The following RIOK3 variants were observed in gnomAD, a reference collection of about 807,000 sequenced individuals.
RIOK3 encodes serine/threonine-protein kinase RIO3.
In RIOK3, 40 loss-of-function variants were observed where a neutral mutation model predicts 63.5. That is an observed-to-expected ratio of 0.63 (90% confidence interval 0.49 to 0.82). The LOEUF (loss-of-function observed/expected upper bound fraction) is 0.82. RIOK3 is among the 40% of genes least tolerant of loss of function. The pLI is 0.00. For synonymous variants in RIOK3, 193 were observed against 205.0 expected (o/e 0.94, Z 0.50); for missense variants, 557 against 637.0 (o/e 0.87, Z 1.35).
chr18:23,468,503 A>G (rs918061457), intron 7 of RIOK3, among the ~76,000 whole-genome samples: 1 of 151,712 alleles, frequency 6.6e-6, no homozygotes, highest in African/African-American at 2.4e-5. Flanking sequence ...GGCTTTCACC[A>G]TGTTAGCCAG....
At chr18:23,454,828 A>G (rs1024348195) in intron 1 of RIOK3, among the ~76,000 whole-genome samples, 1 of 152,246 alleles carries the variant, frequency 6.6e-6, no homozygotes, top group Non-Finnish European at 1.5e-5. Flanking sequence ...AGTGTTTTGA[A>G]AGGCAAAACA....
intron 7 of RIOK3, among the ~76,000 whole-genome samples, chr18:23,471,774 G>A (rs994277629): frequency 3.9e-5 from 6 of 152,110 alleles, no homozygotes; most frequent in African/African-American, 1.4e-4. Flanking sequence ...TGGTGGTACC[G>A]TTTGACGAGG....
chr18:23,480,120 C>A (rs2057521606), intron 12 of RIOK3, among the ~76,000 whole-genome samples: 1 of 152,140 alleles, frequency 6.6e-6, no homozygotes, highest in African/African-American at 2.4e-5. Flanking sequence ...ATTATAATAT[C>A]AGATCTAGAG....
At position 23,475,018 on chromosome 18, in the gene RIOK3, A is replaced by G. The variant is rs765458779; in HGVS notation, c.1084A>G (p.Ile362Val). ...LKKHILVMSFIGHDQVPAPKL... is the reference protein window; with the variant it reads ...LKKHILVMSFVGHDQVPAPKL... ...GAAACACATTTTAGTTATGTCTTTT[A>G]TTGGCCATGATCAAGTTCCAGCCCC... Residue 362 changes from isoleucine (I) to valine (V), a missense_variant, in exon 9 of 13, where the codon ATT (isoleucine) becomes GTT (valine). Physicochemically the swap from Ile to Val is conservative, Grantham distance 29 (BLOSUM62 3). Transcript: ENST00000339486. 4 of 1,612,302 alleles carry G rather than the reference A, an allele frequency of 2.5e-6. No homozygotes were observed. In the South Asian group the frequency reaches 3.3e-5, roughly 13 times the overall value.
intron 4 of RIOK3, 53 bp downstream of exon 4, chr18:23,464,366 A>G (rs2057392320): frequency 7.7e-7 from 1 of 1,298,062 alleles, no homozygotes; most frequent in South Asian, 1.3e-5. Context: ...TAGGAAGACT[A>G]ATCTTTTCAA....
intron 1 of RIOK3, among the ~76,000 whole-genome samples, chr18:23,460,522 A>G (rs963988270): frequency 1.3e-5 from 2 of 152,186 alleles, no homozygotes; most frequent in Non-Finnish European, 2.9e-5. Flanking sequence ...GATTGCAACT[A>G]CTCAATTGTT....
At position 23,466,122 on chromosome 18, in the gene RIOK3, C is replaced by A; in HGVS notation, c.544-11C>A. The A allele has an allele frequency of 6.4e-7, 1 of 1,562,586 alleles. No homozygotes were observed. ...TTAAAATATTTAGATGCTAATTCTT[C>A]CTTTTGGCAGTTTGCACCTGAGTTT... On this transcript the variant is annotated splice_polypyrimidine_tract_variant and intron_variant, in intron 5 of 12. Coordinates refer to ENST00000339486, the MANE Select transcript of RIOK3 (RefSeq NM_003831.5).
rs565804907 is a variant in RIOK3, at chr18:23,469,005, G to A, written c.815+1479G>A. Among the ~76,000 whole-genome samples, 70 of 152,272 alleles carry A rather than the reference G, an allele frequency of 4.6e-4. No homozygotes were observed. In the Middle Eastern group the frequency reaches 0.01, roughly 22 times the overall value. On this transcript the variant is annotated intron_variant, in intron 7 of 12. Transcript: ENST00000339486. Reference sequence around the variant, plus strand: ...ACTTTCTTGTTGGCTGTCAGCAGTGGGCTGCTCTCAACTCCTTGAGGCCCC... The same window carrying A: ...ACTTTCTTGTTGGCTGTCAGCAGTGAGCTGCTCTCAACTCCTTGAGGCCCC...
intron 7 of RIOK3, among the ~76,000 whole-genome samples, 150 bp from the exon 8 acceptor site, chr18:23,473,276 TTTA>T (rs2057467925): frequency 6.6e-6 from 1 of 152,186 alleles, no homozygotes; most frequent in Admixed American, 6.5e-5. Context: ...AACCTAAGGC[TTTA>T]TTAAGATCCA....
Position 23,466,351 on chromosome 18 carries a change from A to C in RIOK3, c.687+75A>C, listed in dbSNP as rs954154091. ...TTAGAAAACTTTGGGTAAAGAAAAA[A>C]AAACTTCATGTTTGATATTTTTTCA... On this transcript the variant is annotated intron_variant, in intron 6 of 12. Coordinates refer to ENST00000339486, the MANE Select transcript of RIOK3 (RefSeq NM_003831.5). The C allele has an allele frequency of 4.2e-6, 5 of 1,204,728 alleles. No homozygotes were observed. The African/African-American group carries it at 7.9e-5, about 19-fold the overall frequency. The allele number at this position is 1,204,728 out of a possible 1,614,324, so 74.6% of individuals were successfully genotyped here.
chr18:23,455,159 C>T (rs1309787108), intron 1 of RIOK3, among the ~76,000 whole-genome samples: 1 of 152,092 alleles, frequency 6.6e-6, no homozygotes, highest in African/African-American at 2.4e-5. Flanking sequence ...GCGACCTCTG[C>T]CTTCCGGGTT....
At chr18:23,467,239 G>A (rs549315697) in intron 6 of RIOK3, among the ~76,000 whole-genome samples, 160 bp from the exon 7 acceptor site, 20 of 152,200 alleles carry the variant, frequency 1.3e-4, no homozygotes, top group African/African-American at 4.1e-4. Context: ...ACTTGAACCT[G>A]GGAGGTGGAG....
In RIOK3 at chr18:23,462,989, C is replaced by T; in HGVS notation, c.89C>T (p.Thr30Ile). Reference sequence around the variant, plus strand: ...TGTCCATGGGCTATTCCTCAAAATACAATATCTTGTTCTTTGGCTGATGTA... The same window carrying T: ...TGTCCATGGGCTATTCCTCAAAATATAATATCTTGTTCTTTGGCTGATGTA... ...SKCPWAIPQN[T>I]ISCSLADVMS... Residue 30 changes from threonine to isoleucine, a missense_variant, in exon 2 of 13, where the codon ACA (threonine) becomes ATA (isoleucine). Around this residue, in one of 3 missense-constraint regions of RIOK3, gnomAD observed 243 missense variants for 275.4 expected, o/e 0.88. Coordinates refer to ENST00000339486, the MANE Select transcript of RIOK3 (RefSeq NM_003831.5). 1 of 1,594,058 alleles carries T rather than the reference C, an allele frequency of 6.3e-7. No homozygotes were observed.
At chr18:23,474,439 G>A (rs759343579) in intron 8 of RIOK3, among the ~76,000 whole-genome samples, 10 of 152,058 alleles carry the variant, frequency 6.6e-5, no homozygotes, top group Non-Finnish European at 1.5e-4. Flanking sequence ...AGGTCTTGCT[G>A]TCCTCCAGTC....
At position 23,464,293 on chromosome 18, in the gene RIOK3, G is replaced by T. The variant is rs147314004; in HGVS notation, c.413G>T (p.Arg138Leu). The change falls in exon 4 of 13, where the codon CGT (arginine) becomes CTT (leucine). Residue 138 changes from arginine (R) to leucine (L), a missense_variant. Coordinates refer to ENST00000339486, the MANE Select transcript of RIOK3 (RefSeq NM_003831.5). The stretch of plus-strand genomic sequence containing the variant: ...GATGAGGTTGACTGGCAGGATACTC[G>T]TGATGATCCCTACAGACCAGGTACC... ...SEDEVDWQDT[R>L]DDPYRPAKPV... 6 of 1,613,694 alleles carry T rather than the reference G, an allele frequency of 3.7e-6. No homozygotes were observed. The highest frequency in any genetic ancestry group is 5.1e-6 in the Non-Finnish European group (6 of 1,179,580).
At chr18:23,465,375 AAAAC>A (rs1159645561) in intron 5 of RIOK3, among the ~76,000 whole-genome samples, 1 of 152,214 alleles carries the variant, frequency 6.6e-6, no homozygotes, top group African/African-American at 2.4e-5. Flanking sequence ...CTGCCTCAAA[AAAAC>A]AAACAAAAAA....
At chr18:23,477,567 C>T (rs887621046) in intron 11 of RIOK3, among the ~76,000 whole-genome samples, 3 of 151,558 alleles carry the variant, frequency 2.0e-5, no homozygotes, top group African/African-American at 4.9e-5. Flanking sequence ...GGTTCAAGAC[C>T]AGCCTGGCCA....
rs556171184 is a variant in RIOK3 at position 23,453,383 on chromosome 18, C to A, written c.-57C>A. ...TGTCCCGCCTGTCTCCTCGGCGGAG[C>A]CTGCTGCCCGTCCTGCCACCTCTCT... is the stretch of plus-strand genomic sequence containing the variant. On this transcript the variant is annotated 5_prime_UTR_variant, in exon 1 of 13. Coordinates refer to ENST00000339486, the MANE Select transcript of RIOK3 (RefSeq NM_003831.5). 9.3e-6 allele frequency: 13 copies of A among 1,399,346 alleles called. No individual in the cohort carries two copies. In the African/African-American group the frequency reaches 1.1e-4, roughly 12 times the overall value. The allele number at this position is 1,399,346 out of a possible 1,614,324, so 86.7% of individuals were successfully genotyped here.
intron 7 of RIOK3, among the ~76,000 whole-genome samples, chr18:23,473,179 A>AT (rs778071660): frequency 1.3e-5 from 2 of 152,114 alleles, no homozygotes; most frequent in Non-Finnish European, 2.9e-5. Context: ...TTCCGTAGTC[A>AT]TTAAGTGAAG....
Sources: gnomAD v4.1 joint callset for allele counts (sites outside exome capture counted in the v4.1 genomes callset) on GRCh38, gnomAD v4.1.1 for gene constraint, gnomAD v4.1.1 regional missense constraint, MANE v1.5 for transcripts, NCBI Gene and HGNC (gene_info 2026-07-23, HGNC 2026-07-21) for gene names.